The following IPMK variants were observed in gnomAD, a reference collection of about 807,000 sequenced individuals.
IPMK encodes the protein inositol polyphosphate multikinase, also known as inositol 1,3,4,6-tetrakisphosphate 5-kinase.
Under a neutral mutation model 45.8 loss-of-function variants are expected in IPMK, and 17 were observed. The ratio of observed to expected loss-of-function variants is 0.37; its 90% CI spans 0.25 to 0.56. IPMK has a LOEUF of 0.56. IPMK is among the 20% of genes least tolerant of loss of function. The pLI is 0.79. For synonymous variants in IPMK, 180 were observed against 184.3 expected, an observed-to-expected ratio of 0.98 and a Z score of 0.19; for missense variants, 399 against 498.0, an observed-to-expected ratio of 0.80 and a Z score of 1.89.
rs554355195 is a variant in IPMK at position 58,246,121 on chromosome 10, G to C, written c.191-8307C>G. ...GGGATGTGAAGGACCTCTTCAAGGA[G>C]AACTACAAACCACTGCTCAAGGAAA... is the stretch of plus-strand genomic sequence containing the variant. On this transcript the variant is annotated intron_variant, in intron 1 of 5. Coordinates refer to ENST00000373935, the MANE Select transcript of IPMK (RefSeq NM_152230.5). Among the ~76,000 whole-genome samples, 964 of 131,140 alleles carry C rather than the reference G, an allele frequency of 7.4e-3. 58 individuals carry two copies. The highest frequency in any genetic ancestry group is 0.032 in the African/African-American group (888 of 27,404). The allele number at this position is 131,140 out of a possible 152,430, so 86.0% of individuals were successfully genotyped here. A position where few individuals can be genotyped will look rare whatever the true frequency, so the allele number is the denominator to read the frequency against.
rs1412617045 is a variant in IPMK at position 58,199,211 on chromosome 10, C to A, written c.628+29G>T. On this transcript the variant is annotated intron_variant, in intron 5 of 5. Transcript: ENST00000373935. ...TTTAGAAGTCTTTTAACTGTTCAAT[C>A]ATAAAAGCATTAGTTTTTTAGTCCT... 3 of 1,392,732 alleles carry A rather than the reference C, an allele frequency of 2.2e-6. No individual in the cohort carries two copies. In the Admixed American group the frequency reaches 5.6e-5, roughly 26 times the overall value. The allele number at this position is 1,392,732 out of a possible 1,614,324, so 86.3% of individuals were successfully genotyped here.
chr10:58,196,816 C>G (rs1837902470), intron 5 of IPMK, 118 bp from the exon 6 acceptor site: 2 of 712,708 alleles, frequency 2.8e-6, no homozygotes, highest in Admixed American at 3.3e-5. Context: ...ATTAAGTGAA[C>G]AGTTAATCCT....
chr10:58,210,952 C>T (rs1838149980), intron 4 of IPMK, among the ~76,000 whole-genome samples: 1 of 152,192 alleles, frequency 6.6e-6, no homozygotes, highest in South Asian at 2.1e-4. Context: ...GGAAGATGCA[C>T]ATTAGCCCTG....
chr10:58,262,122 A>G (rs1839080489), intron 1 of IPMK, among the ~76,000 whole-genome samples: 1 of 152,206 alleles, frequency 6.6e-6, no homozygotes, highest in South Asian at 2.1e-4. Context: ...GAGGGATAGC[A>G]TTAGGAGAAA....
intron 4 of IPMK, among the ~76,000 whole-genome samples, chr10:58,209,350 G>C (rs12261547): frequency 0.042 from 6,415 of 152,244 alleles, 179 homozygotes; most frequent in East Asian, 0.14. Flanking sequence ...ACCTAGCACT[G>C]CAATTGTGTC....
chr10:58,208,801 C>T (rs1211442408), intron 4 of IPMK, among the ~76,000 whole-genome samples: 1 of 152,156 alleles, frequency 6.6e-6, no homozygotes, highest in Non-Finnish European at 1.5e-5. Context: ...CGGCTTCAGG[C>T]CCATAGAGGG....
In IPMK at chr10:58,227,118, C is replaced by T; in HGVS notation, c.298G>A (p.Asp100Asn). Reference protein sequence around the residue: ...YNMVYAADCFDGVLLELRKYL... With the variant: ...YNMVYAADCFNGVLLELRKYL... ...TTTCGTAGCTCTAGAAGAACACCAT[C>T]AAAACAGTCAGCAGCATAAACCTGA... The change falls in exon 3 of 6, where the codon GAT becomes AAT. Residue 100 changes from aspartate (D) to asparagine (N), a missense_variant. This residue lies in a region of IPMK where 288 missense variants were observed against 398.0 expected (regional missense o/e 0.72). Transcript: ENST00000373935. 2 of 1,612,882 alleles carry T rather than the reference C, an allele frequency of 1.2e-6. No homozygotes were observed. Among genetic ancestry groups the T allele is most frequent in the South Asian group, 2.2e-5 (2 of 91,024 alleles).
intron 1 of IPMK, among the ~76,000 whole-genome samples, chr10:58,251,955 G>A (rs1477696348): frequency 6.6e-6 from 1 of 152,164 alleles, no homozygotes; most frequent in African/African-American, 2.4e-5. Flanking sequence ...TCTTTTAACT[G>A]GGGAATGTAA....
chr10:58,263,679 G>A (rs11817230), intron 1 of IPMK, among the ~76,000 whole-genome samples: 174 of 152,232 alleles, frequency 1.1e-3, no homozygotes, highest in Non-Finnish European at 2.2e-3. Flanking sequence ...GCAAGAGCCT[G>A]TCTCAAAAAA....
intron 1 of IPMK, 96 bp downstream of exon 1, chr10:58,267,326 C>T: frequency 4.1e-6 from 5 of 1,207,834 alleles, no homozygotes; most frequent in South Asian, 1.3e-5. Context: ...ACCAGGGGGG[C>T]GTCCAGGCAG....
chr10:58,256,324 C>T (rs1000997334), intron 1 of IPMK, among the ~76,000 whole-genome samples: 4 of 152,166 alleles, frequency 2.6e-5, no homozygotes, highest in Admixed American at 2.6e-4. Flanking sequence ...AAGTGTCTGC[C>T]TTATGCGGTT....
At chr10:58,241,761 C>G (rs1463396200) in intron 1 of IPMK, among the ~76,000 whole-genome samples, 1 of 152,022 alleles carries the variant, frequency 6.6e-6, no homozygotes. Flanking sequence ...TCTGTTGGTT[C>G]AAGACTTAAC....
At chr10:58,207,617 G>C (rs961774318) in intron 4 of IPMK, among the ~76,000 whole-genome samples, 1 of 152,102 alleles carries the variant, frequency 6.6e-6, no homozygotes, top group Non-Finnish European at 1.5e-5. Context: ...ATAACCCATC[G>C]AGTGCTGTCA....
intron 3 of IPMK, among the ~76,000 whole-genome samples, chr10:58,223,715 G>T (rs1341232638): frequency 6.6e-6 from 1 of 152,148 alleles, no homozygotes; most frequent in Non-Finnish European, 1.5e-5. Flanking sequence ...TCTCTAATTG[G>T]AATCCCCATG....
At chr10:58,247,111 T>C (rs1838813251) in intron 1 of IPMK, among the ~76,000 whole-genome samples, 1 of 149,754 alleles carries the variant, frequency 6.7e-6, no homozygotes, top group Non-Finnish European at 1.5e-5. Flanking sequence ...TGAGAGACCA[T>C]TTCACACCAG....
rs527905931 is a variant in IPMK at position 58,213,572 on chromosome 10, AG to A, written c.546+2572del. ...TGTGGTGGCGGGTGCCTGTAGTCCCAGCTACGCGGTAGGCTGAGGCAGGAGA... is the reference window on the plus strand; with the variant it reads ...TGTGGTGGCGGGTGCCTGTAGTCCCACTACGCGGTAGGCTGAGGCAGGAGA... On this transcript the variant is annotated intron_variant, in intron 4 of 5. Coordinates refer to ENST00000373935, the MANE Select transcript of IPMK (RefSeq NM_152230.5). Among the ~76,000 whole-genome samples the A allele has an allele frequency of 2.6e-3, 397 of 152,300 alleles. 1 individual carries two copies. The highest frequency in any genetic ancestry group is 0.01 in the Middle Eastern group (3 of 294).
At chr10:58,257,178 C>T (rs1377756290) in intron 1 of IPMK, among the ~76,000 whole-genome samples, 2 of 152,186 alleles carry the variant, frequency 1.3e-5, no homozygotes, top group East Asian at 3.9e-4. Context: ...ATTATAGATT[C>T]TGTTTAATTT....
At chr10:58,251,289 T>G (rs534120736) in intron 1 of IPMK, among the ~76,000 whole-genome samples, 6 of 152,210 alleles carry the variant, frequency 3.9e-5, no homozygotes, top group Admixed American at 6.5e-5. Flanking sequence ...TTCCATAAAT[T>G]TGTACCATTT....
At chr10:58,199,458 G>A (rs186745918) in intron 4 of IPMK, 137 bp from the exon 5 acceptor site, 6 of 505,748 alleles carry the variant, frequency 1.2e-5, no homozygotes, top group Middle Eastern at 1.1e-3. Context: ...AAAAAAAATC[G>A]CAGTTATATC....
Sources: allele counts gnomAD v4.1 joint callset (sites outside exome capture counted in the v4.1 genomes callset), GRCh38; gene constraint gnomAD v4.1.1; regional missense constraint gnomAD v4.1.1; transcripts MANE v1.5; gene names NCBI Gene and HGNC (gene_info 2026-07-23, HGNC 2026-07-21).